Variants in MNT observed in about 807,000 individuals in gnomAD.
The protein encoded by MNT is max-binding protein MNT.
MNT carries 13 observed loss-of-function variants against 40.7 expected under a neutral mutation model. That is an observed-to-expected ratio of 0.32 (90% CI 0.21 to 0.51). The LOEUF (loss-of-function observed/expected upper bound fraction) is 0.51, where lower values mean the gene tolerates loss of function less well. Among genes scored for constraint, MNT ranks in the 20% least tolerant of loss-of-function variants. MNT has a pLI of 0.98. For synonymous variants in MNT, 426 were observed against 354.8 expected (o/e 1.20, Z -2.26); for missense variants, 757 against 792.0 (o/e 0.96, Z 0.53).
At chr17:2,396,240 C>G (rs188181477) in intron 1 of MNT, among the ~76,000 whole-genome samples, 3 of 152,334 alleles carry the variant, frequency 2.0e-5, no homozygotes, top group African/African-American at 7.2e-5. Flanking sequence ...AGGGACCATT[C>G]AACAAACACA....
chr17:2,388,192 G>A, intron 4 of MNT, 143 bp from the exon 5 acceptor site: 8 of 728,602 alleles, frequency 1.1e-5, no homozygotes, highest in Non-Finnish European at 1.8e-5. Context: ...GGCTGCTGGA[G>A]ACCGCACCTG....
chr17:2,399,703 C>A (rs984649528), intron 1 of MNT, among the ~76,000 whole-genome samples: 23 of 152,168 alleles, frequency 1.5e-4, no homozygotes, highest in Admixed American at 2.6e-4. Flanking sequence ...CGGGCCGCGC[C>A]GTCCCCAGCA....
Position 2,386,789 on chromosome 17 carries a change from G to C in MNT, c.*112C>G. Reference sequence around the variant, plus strand: ...CCCTTCCCCTAGGAGGCCTGGGGGTGGGTGGGGGGGCTGGCCTGGGCCTGG... The same window carrying C: ...CCCTTCCCCTAGGAGGCCTGGGGGTCGGTGGGGGGGCTGGCCTGGGCCTGG... On this transcript the variant is annotated 3_prime_UTR_variant, in exon 6 of 6. Transcript: ENST00000174618. 1 of 1,181,296 alleles carries C rather than the reference G, an allele frequency of 8.5e-7. No individual in the cohort carries two copies. The highest frequency in any genetic ancestry group is 2.7e-5 in the East Asian group (1 of 36,476). 73.2% of individuals were successfully genotyped at this position (1,181,296 alleles called of 1,614,324 possible).
At chr17:2,398,679 A>G (rs1244581396) in intron 1 of MNT, among the ~76,000 whole-genome samples, 1 of 152,228 alleles carries the variant, frequency 6.6e-6, no homozygotes, top group African/African-American at 2.4e-5. Flanking sequence ...CTCGGCCTAA[A>G]CACAGTGCGT....
At chr17:2,393,510 T>C (rs1376236776) in intron 4 of MNT, among the ~76,000 whole-genome samples, 1 of 151,900 alleles carries the variant, frequency 6.6e-6, no homozygotes, top group African/African-American at 2.4e-5. Flanking sequence ...AACCCCACAC[T>C]CGGGCCGTGG....
chr17:2,386,974 C>T lies in MNT; in HGVS notation c.1676G>A (p.Gly559Asp), dbSNP rs12601014. The T allele has an allele frequency of 6.6e-7, 1 of 1,524,242 alleles. No homozygotes were observed. Among genetic ancestry groups the T allele is most frequent in the Non-Finnish European group, 8.8e-7 (1 of 1,133,250 alleles). The allele number at this position is 1,524,242 out of a possible 1,614,324, so 94.4% of individuals were successfully genotyped here. ...AQVVHHPQLV[G>D]QTVLNPVTMV... ...GGTCACAGGGTTGAGCACGGTCTGG[C>T]CCACCAGCTGGGGGTGGTGCACCAC... Residue 559 changes from glycine to aspartate, a missense_variant, in exon 6 of 6, where the codon GGC (glycine) becomes GAC (aspartate). Gly to Asp is a moderately conservative substitution (Grantham distance 94). Transcript: ENST00000174618.
chr17:2,393,965 G>A (rs930438453), intron 4 of MNT, 78 bp downstream of exon 4: 177 of 1,019,846 alleles, frequency 1.7e-4, no homozygotes, highest in Non-Finnish European at 2.3e-4. Flanking sequence ...CGTGAGGGCG[G>A]GGCGGGGCGC....
intron 4 of MNT, among the ~76,000 whole-genome samples, chr17:2,393,148 C>T (rs946236041): frequency 6.9e-6 from 1 of 144,222 alleles, no homozygotes; most frequent in African/African-American, 2.7e-5. Context: ...CACCCCCCCC[C>T]CAACGCGGGC....
At chr17:2,395,573 C>A (rs1332141595) in intron 1 of MNT, 119 bp from the exon 2 acceptor site, 1 of 1,499,764 alleles carries the variant, frequency 6.7e-7, no homozygotes, top group African/African-American at 1.4e-5. Context: ...CAGCGAGAGA[C>A]ACCACAAATA....
rs35367394 is a variant in MNT, at chr17:2,394,277, G to GCACACACACACACACACACACACACA, written c.695+2_695+27dup. On this transcript the variant is annotated intron_variant, in intron 3 of 5. Transcript: ENST00000174618. ...CCGGGTCGCGCGCGCACGCACGCAC[G>GCACACACACACACACACACACACACA]CACACACACACACACACACACACAC... 16 of 1,489,334 alleles carry GCACACACACACACACACACACACACA rather than the reference G, an allele frequency of 1.1e-5. No homozygotes were observed. The African/African-American group carries it at 2.2e-4, about 20-fold the overall frequency. The allele number at this position is 1,489,334 out of a possible 1,614,324, so 92.3% of individuals were successfully genotyped here. A position where few individuals can be genotyped will look rare whatever the true frequency, so the allele number is the denominator to read the frequency against.
In MNT at chr17:2,394,918, C is replaced by T; in HGVS notation, c.610G>A (p.Ala204Thr). 1 of 1,605,592 alleles carries T rather than the reference C, an allele frequency of 6.2e-7. No individual in the cohort carries two copies. Among genetic ancestry groups the T allele is most frequent in the Non-Finnish European group, 8.5e-7 (1 of 1,176,642 alleles). Residue 204 changes from alanine (A) to threonine (T), a missense_variant, in exon 2 of 6, where the codon GCT becomes ACT. By Grantham distance (58) the Ala-to-Thr change is moderately conservative. Transcript: ENST00000174618. ...PTLGTLKLAPAEEVKSSEQKK... is the reference protein window; with the variant it reads ...PTLGTLKLAPTEEVKSSEQKK... Reference sequence around the variant, plus strand: ...TGTTCACTGGATTTGACTTCTTCAGCTGGTGCCAACTTCAGGGTCCCCAGC... The same window carrying T: ...TGTTCACTGGATTTGACTTCTTCAGTTGGTGCCAACTTCAGGGTCCCCAGC...
In MNT at chr17:2,387,268, C is replaced by T. The variant is rs1264599234; in HGVS notation, c.1382G>A (p.Gly461Glu). The change falls in exon 6 of 6, where the codon GGG (glycine) becomes GAG (glutamate). Residue 461 changes from glycine to glutamate, a missense_variant. Gly to Glu is a moderately conservative substitution (Grantham distance 98, BLOSUM62 -2). Transcript: ENST00000174618. ...GTGGGCGATGTGCTTGCCGCCTGGCCCCTGCAGAACGTGGTTCACAGTCTG... is the reference window on the plus strand; with the variant it reads ...GTGGGCGATGTGCTTGCCGCCTGGCTCCTGCAGAACGTGGTTCACAGTCTG... Reference protein sequence around the residue: ...VIQTVNHVLQGPGGKHIAHIA... With the variant: ...VIQTVNHVLQEPGGKHIAHIA... 6.2e-7 allele frequency: 1 copy of T among 1,613,070 alleles called. No individual in the cohort carries two copies. Among genetic ancestry groups the T allele is most frequent in the Non-Finnish European group, 8.5e-7 (1 of 1,179,676 alleles).
chr17:2,394,265 G>C, intron 3 of MNT, 40 bp downstream of exon 3: 2 of 1,487,004 alleles, frequency 1.3e-6, no homozygotes, highest in South Asian at 1.3e-5. Flanking sequence ...GGTCGCGCGC[G>C]CACGCACGCA....
intron 1 of MNT, 94 bp downstream of exon 1, chr17:2,400,546 A>C: frequency 7.9e-7 from 1 of 1,268,034 alleles, no homozygotes; most frequent in Non-Finnish European, 1.0e-6. Context: ...GCCGCCCGGG[A>C]GGGGGCCCTG....
chr17:2,397,560 A>C (rs2066586347), intron 1 of MNT, among the ~76,000 whole-genome samples: 2 of 151,880 alleles, frequency 1.3e-5, no homozygotes, highest in Admixed American at 1.3e-4. Flanking sequence ...AGCAATCCCA[A>C]AGCTCACCTG....
chr17:2,394,269 G>T, intron 3 of MNT, 36 bp downstream of exon 3: 1 of 1,490,792 alleles, frequency 6.7e-7, no homozygotes. Context: ...GCGCGCGCAC[G>T]CACGCACGCA....
In MNT at chr17:2,394,075, T is replaced by A. The variant is rs1163420172; in HGVS notation, c.775A>T (p.Ser259Cys). ...TACCGCAGCGCCGTCCGCAGCACGC[T>A]CAGATTGGACGTCTTCTTGTCATCC... ...NVDDKKTSNLSVLRTALRYIQ... is the reference protein window; with the variant it reads ...NVDDKKTSNLCVLRTALRYIQ... The change falls in exon 4 of 6, where the codon AGC (serine) becomes TGC (cysteine). Residue 259 changes from serine (S) to cysteine (C), a missense_variant. This residue lies in a region of MNT where 73 missense variants were observed against 100.8 expected (regional missense o/e 0.72). Coordinates refer to ENST00000174618, the MANE Select transcript of MNT (RefSeq NM_020310.3). 6.2e-7 allele frequency: 1 copy of A among 1,607,012 alleles called. No individual in the cohort carries two copies. The highest frequency in any genetic ancestry group is 1.1e-5 in the South Asian group (1 of 90,496).
intron 4 of MNT, among the ~76,000 whole-genome samples, chr17:2,393,139 A>ACC (rs57125154): frequency 4.9e-4 from 47 of 96,142 alleles, no homozygotes; most frequent in South Asian, 1.4e-3. Flanking sequence ...CTCGCCGCCC[A>ACC]CCCCCCCCCC....
rs1253350413 is a variant in MNT, at chr17:2,388,039, C to T, written c.818G>A (p.Arg273Lys). 2 of 1,558,196 alleles carry T rather than the reference C, an allele frequency of 1.3e-6. No homozygotes were observed. The highest frequency in any genetic ancestry group is 1.9e-5 in the Admixed American group (1 of 52,110). The change falls in exon 5 of 6, where the codon AGG (arginine) becomes AAG (lysine). Residue 273 changes from arginine (R) to lysine (K), a missense_variant. This residue lies in a region of MNT where 73 missense variants were observed against 100.8 expected (regional missense o/e 0.72). Coordinates refer to ENST00000174618, the MANE Select transcript of MNT (RefSeq NM_020310.3). ...TALRYIQSLK[R>K]KEKEYEHEME... ...TTCATGCTCATATTCCTTCTCCTTC[C>T]TCTTCAGGGACTGGCACACAGAGTA...
Sources: gnomAD v4.1 joint callset for allele counts (sites outside exome capture counted in the v4.1 genomes callset) on GRCh38, gnomAD v4.1.1 for gene constraint, gnomAD v4.1.1 regional missense constraint, MANE v1.5 for transcripts, NCBI Gene and HGNC (gene_info 2026-07-23, HGNC 2026-07-21) for gene names.